SLC1A2: variants seen among roughly 807,000 people sequenced by gnomAD.
SLC1A2 encodes excitatory amino acid transporter 2.
Under a neutral mutation model 48.8 loss-of-function variants are expected in SLC1A2, and 15 were observed. The observed-to-expected ratio is 0.31, with a 90% CI of 0.21 to 0.47. The LOEUF (loss-of-function observed/expected upper bound fraction) is 0.47. SLC1A2 is among the 20% of genes least tolerant of loss of function. The pLI, the probability that SLC1A2 is intolerant of heterozygous loss-of-function variation, is 0.99. For synonymous variants in SLC1A2, 279 were observed against 272.6 expected (o/e 1.02, Z -0.23); for missense variants, 502 against 730.5 (o/e 0.69, Z 3.61).
At chr11:35,380,435 C>G (rs1854384358) in intron 1 of SLC1A2, 2 of 398,610 alleles carry the variant, frequency 5.0e-6, no homozygotes, top group Admixed American at 8.8e-5. Flanking sequence ...GCGAGTTATT[C>G]TAGGTGATCT....
chr11:35,311,309 G>A (rs1036851096), intron 4 of SLC1A2, among the ~76,000 whole-genome samples: 2 of 152,048 alleles, frequency 1.3e-5, no homozygotes, highest in South Asian at 2.1e-4. Flanking sequence ...ACAGGCATGC[G>A]CCACCACACC....
intron 10 of SLC1A2, among the ~76,000 whole-genome samples, chr11:35,262,099 T>C (rs1362225371): frequency 6.6e-6 from 1 of 152,234 alleles, no homozygotes; most frequent in African/African-American, 2.4e-5. Flanking sequence ...ATGCTTGAAA[T>C]GGTTAAAGTT....
At chr11:35,324,764 T>C (rs1286331956) in intron 1 of SLC1A2, among the ~76,000 whole-genome samples, 1 of 152,162 alleles carries the variant, frequency 6.6e-6, no homozygotes, top group East Asian at 1.9e-4. Context: ...CTTAAGGATA[T>C]GGCCTCTGGA....
At chr11:35,329,047 A>G (rs1490796540) in intron 1 of SLC1A2, among the ~76,000 whole-genome samples, 1 of 152,248 alleles carries the variant, frequency 6.6e-6, no homozygotes, top group East Asian at 1.9e-4. Flanking sequence ...ACATGCAGAC[A>G]ATGCAATATT....
chr11:35,309,299 C>T (rs146817225), intron 4 of SLC1A2, among the ~76,000 whole-genome samples: 3 of 152,268 alleles, frequency 2.0e-5, no homozygotes, highest in East Asian at 1.9e-4. Flanking sequence ...CTCCTCCCCC[C>T]GTGGCATCCT....
At chr11:35,346,811 GA>G (rs1853054956) in intron 1 of SLC1A2, among the ~76,000 whole-genome samples, 1 of 152,268 alleles carries the variant, frequency 6.6e-6, no homozygotes, top group South Asian at 2.1e-4. Flanking sequence ...AAACAGAGAA[GA>G]GGGGCAGGGC....
At chr11:35,354,984 G>T (rs1479810045) in intron 1 of SLC1A2, among the ~76,000 whole-genome samples, 1 of 152,098 alleles carries the variant, frequency 6.6e-6, no homozygotes, top group East Asian at 1.9e-4. Context: ...CATAATGAAT[G>T]TAGTTTCCCT....
chr11:35,314,911 G>T, intron 3 of SLC1A2, 112 bp downstream of exon 3: 1 of 675,360 alleles, frequency 1.5e-6, no homozygotes. Flanking sequence ...GCTCTGAAAT[G>T]AAATGACATA....
At chr11:35,345,371 G>A (rs1371764577) in intron 1 of SLC1A2, among the ~76,000 whole-genome samples, 7 of 152,202 alleles carry the variant, frequency 4.6e-5, no homozygotes, top group Admixed American at 2.0e-4. Context: ...ACCTTCTGCT[G>A]AGTTCTGAGG....
chr11:35,311,924 C>CA lies in SLC1A2; in HGVS notation c.561+273_561+274insT, dbSNP rs1555002219. 1.5e-3 allele frequency among the ~76,000 whole-genome samples: 3 copies of CA among 1,998 alleles called. 1 individual carries two copies. Among genetic ancestry groups the CA allele is most frequent in the African/African-American group, 4.5e-3 (3 of 666 alleles). 1.3% of individuals were successfully genotyped at this position (1,998 alleles called of 152,430 possible). On this transcript the variant is annotated intron_variant, in intron 4 of 10. Transcript: ENST00000278379. ...AGAGAGAGAGAGAGAGAGAGAGAGG[C>CA]GGGGGGGGGGGGTGGGGGAGAAAGG...
At chr11:35,335,724 C>A (rs7939877) in intron 1 of SLC1A2, among the ~76,000 whole-genome samples, 3,895 of 152,142 alleles carry the variant, frequency 0.026, 155 homozygotes, top group African/African-American at 0.089. Flanking sequence ...GCACTTTGGG[C>A]GGCCAAGGCA....
chr11:35,269,001 CA>C (rs1268542821), intron 9 of SLC1A2, among the ~76,000 whole-genome samples: 1 of 152,172 alleles, frequency 6.6e-6, no homozygotes, highest in African/African-American at 2.4e-5. Flanking sequence ...TGCATCCCCC[CA>C]AAATTCATAT....
intron 1 of SLC1A2, among the ~76,000 whole-genome samples, chr11:35,383,438 G>C (rs1470717570): frequency 6.6e-6 from 1 of 152,152 alleles, no homozygotes; most frequent in Non-Finnish European, 1.5e-5. Context: ...GATTATCAGA[G>C]AAAAGGAGAG....
At chr11:35,369,817 G>A (rs1291753044) in intron 1 of SLC1A2, among the ~76,000 whole-genome samples, 1 of 152,192 alleles carries the variant, frequency 6.6e-6, no homozygotes, top group East Asian at 1.9e-4. Flanking sequence ...GCTGGGGCAG[G>A]ATAGCATGGC....
rs187107459 is a variant in SLC1A2 at position 35,265,339 on chromosome 11, G to C, written c.1653+188C>G. ...GATTGACTCTTTCTCCATCAGACTT[G>C]TTGATTTCCTGCCATGTTAGACACA... On this transcript the variant is annotated intron_variant, in intron 10 of 10. Coordinates refer to ENST00000278379, the MANE Select transcript of SLC1A2 (RefSeq NM_004171.4). 1.8e-5 allele frequency: 10 copies of C among 571,384 alleles called. No individual in the cohort carries two copies. The African/African-American group carries it at 1.9e-4, about 11-fold the overall frequency. 35.4% of individuals were successfully genotyped at this position (571,384 alleles called of 1,614,324 possible).
intron 1 of SLC1A2, among the ~76,000 whole-genome samples, chr11:35,405,900 C>T (rs1002191827): frequency 1.3e-5 from 2 of 152,212 alleles, no homozygotes; most frequent in East Asian, 1.9e-4. Context: ...TTTTCTCAAC[C>T]TTGGATCTGT....
At position 35,371,144 on chromosome 11, in the gene SLC1A2, T is replaced by A. The variant is rs1197815849; in HGVS notation, c.17+47806A>T. The stretch of plus-strand genomic sequence containing the variant: ...CAGTGAGAACCCTTTGCCTCATTCA[T>A]CCTAAAGCAACCTACTTTGTCTCAC... On this transcript the variant is annotated intron_variant, in intron 1 of 10. Coordinates refer to ENST00000278379, the MANE Select transcript of SLC1A2 (RefSeq NM_004171.4). 5 of 890,194 alleles carry A rather than the reference T, an allele frequency of 5.6e-6. No homozygotes were observed. The Admixed American group carries it at 3.1e-4, about 55-fold the overall frequency. 55.1% of individuals were successfully genotyped at this position (890,194 alleles called of 1,614,324 possible).
At chr11:35,345,683 C>A (rs1047121963) in intron 1 of SLC1A2, among the ~76,000 whole-genome samples, 4 of 151,788 alleles carry the variant, frequency 2.6e-5, no homozygotes, top group African/African-American at 9.7e-5. Flanking sequence ...AACCCCTTCA[C>A]CAACCAGACT....
chr11:35,400,875 G>A (rs1165130602), intron 1 of SLC1A2, among the ~76,000 whole-genome samples: 1 of 152,170 alleles, frequency 6.6e-6, no homozygotes, highest in Non-Finnish European at 1.5e-5. Flanking sequence ...GTGCCCAAGG[G>A]GGTTGGGCTA....
Sources: gnomAD v4.1 joint callset for allele counts (sites outside exome capture counted in the v4.1 genomes callset) on GRCh38, gnomAD v4.1.1 for gene constraint, MANE v1.5 for transcripts, NCBI Gene and HGNC (gene_info 2026-07-23, HGNC 2026-07-21) for gene names.